TTC29: variants seen among roughly 807,000 people sequenced by gnomAD.
The protein encoded by TTC29 is tetratricopeptide repeat protein 29.
A neutral mutation model predicts 58.1 loss-of-function variants in TTC29; 49 were observed. That is an observed-to-expected ratio of 0.84 (90% CI 0.67 to 1.07). The LOEUF (loss-of-function observed/expected upper bound fraction) is 1.07. Ranked by LOEUF, TTC29 falls within the 50% of genes least tolerant of loss-of-function variation. TTC29 has a pLI of 0.00. For missense variants in TTC29, 582 were observed against 555.6 expected (o/e 1.05, Z -0.48); for synonymous variants, 209 against 196.8 (o/e 1.06, Z -0.52).
intron 3 of TTC29, 54 bp from the exon 4 acceptor site, chr4:146,937,731 A>G: frequency 1.9e-6 from 2 of 1,048,738 alleles, no homozygotes; most frequent in South Asian, 3.1e-5. Flanking sequence ...TTGAAAAGCT[A>G]CCAAACACAT....
chr4:146,840,758 T>G (rs1160040239), intron 8 of TTC29, among the ~76,000 whole-genome samples: 1 of 152,150 alleles, frequency 6.6e-6, no homozygotes, highest in African/African-American at 2.4e-5. Flanking sequence ...AGGAGAAGCT[T>G]CATATAAGAA....
chr4:146,873,118 G>A (rs1172951474), intron 7 of TTC29, among the ~76,000 whole-genome samples: 1 of 152,100 alleles, frequency 6.6e-6, no homozygotes, highest in Non-Finnish European at 1.5e-5. Flanking sequence ...CCCTAACAAA[G>A]GAATTGGCCA....
intron 11 of TTC29, among the ~76,000 whole-genome samples, chr4:146,756,944 T>A (rs1030597153): frequency 6.6e-6 from 1 of 152,130 alleles, no homozygotes; most frequent in Non-Finnish European, 1.5e-5. Context: ...TCTTGTATTA[T>A]TTTTTGGATT....
At chr4:146,858,525 G>T (rs535575890) in intron 8 of TTC29, among the ~76,000 whole-genome samples, 7 of 152,068 alleles carry the variant, frequency 4.6e-5, no homozygotes, top group African/African-American at 9.7e-5. Context: ...TTTAACATTT[G>T]TTCCTATGCT....
chr4:146,729,970 G>A (rs1744207921), intron 11 of TTC29, among the ~76,000 whole-genome samples: 1 of 151,706 alleles, frequency 6.6e-6, no homozygotes, highest in African/African-American at 2.4e-5. Flanking sequence ...AACCATATTA[G>A]GTGGGATTGA....
At chr4:146,741,426 G>A (rs1220178656) in intron 11 of TTC29, among the ~76,000 whole-genome samples, 1 of 151,670 alleles carries the variant, frequency 6.6e-6, no homozygotes, top group Non-Finnish European at 1.5e-5. Context: ...AGCCCATAAT[G>A]TCCAACAATG....
intron 11 of TTC29, among the ~76,000 whole-genome samples, chr4:146,747,393 C>T (rs1247665492): frequency 6.6e-6 from 1 of 152,152 alleles, no homozygotes; most frequent in Non-Finnish European, 1.5e-5. Context: ...TGGTAGCATG[C>T]CATCCTCAAT....
At chr4:146,710,481 T>G (rs940436421) in intron 11 of TTC29, among the ~76,000 whole-genome samples, 1 of 152,188 alleles carries the variant, frequency 6.6e-6, no homozygotes, top group African/African-American at 2.4e-5. Context: ...ACGCGGTGCA[T>G]GACTGGATAC....
At chr4:146,783,734 T>A (rs1204888016) in intron 11 of TTC29, among the ~76,000 whole-genome samples, 1 of 151,744 alleles carries the variant, frequency 6.6e-6, no homozygotes, top group Non-Finnish European at 1.5e-5. Flanking sequence ...TGTGAAGAGG[T>A]AGCCTCTTAT....
intron 4 of TTC29, among the ~76,000 whole-genome samples, chr4:146,913,086 TG>T (rs919590897): frequency 6.6e-6 from 1 of 151,956 alleles, no homozygotes; most frequent in African/African-American, 2.4e-5. Flanking sequence ...GAAGGCAGTT[TG>T]GGGGGTGACA....
intron 11 of TTC29, among the ~76,000 whole-genome samples, chr4:146,724,722 C>T (rs113824403): frequency 3.6e-4 from 55 of 152,238 alleles, no homozygotes; most frequent in African/African-American, 1.3e-3. Context: ...CCACGTTCGC[C>T]AGGCTGGTCT....
chr4:146,855,307 C>A (rs985101908), intron 8 of TTC29, among the ~76,000 whole-genome samples: 6 of 152,132 alleles, frequency 3.9e-5, no homozygotes, highest in Admixed American at 3.3e-4. Context: ...GTGGTGCACG[C>A]CTGTAATCCC....
chr4:146,786,378 A>C (rs1185520478), intron 11 of TTC29, among the ~76,000 whole-genome samples: 6 of 152,212 alleles, frequency 3.9e-5, no homozygotes, highest in African/African-American at 1.4e-4. Context: ...TCAACTTGTA[A>C]AATTTAATCC....
intron 6 of TTC29, among the ~76,000 whole-genome samples, chr4:146,884,006 G>T (rs556867723): frequency 6.6e-6 from 1 of 152,026 alleles, no homozygotes; most frequent in Admixed American, 6.6e-5. Flanking sequence ...TCCATTCAAA[G>T]ATCTTGGACT....
chr4:146,735,966 G>A (rs1282420797), intron 11 of TTC29, among the ~76,000 whole-genome samples: 1 of 152,120 alleles, frequency 6.6e-6, no homozygotes, highest in Non-Finnish European at 1.5e-5. Flanking sequence ...AATGGAAACT[G>A]GTGGGGTTAA....
chr4:146,922,701 G>A (rs994233423), intron 4 of TTC29, among the ~76,000 whole-genome samples: 2 of 151,680 alleles, frequency 1.3e-5, no homozygotes, highest in African/African-American at 4.8e-5. Context: ...GAGTGATGGA[G>A]CTGGTTCATC....
At chr4:146,853,408 A>G (rs931560871) in intron 8 of TTC29, among the ~76,000 whole-genome samples, 4 of 152,156 alleles carry the variant, frequency 2.6e-5, no homozygotes, top group African/African-American at 9.7e-5. Context: ...TATCAGTAAT[A>G]CTTTCATTGT....
chr4:146,783,142 A>C (rs1395511552), intron 11 of TTC29, among the ~76,000 whole-genome samples: 1 of 152,042 alleles, frequency 6.6e-6, no homozygotes, highest in East Asian at 1.9e-4. Flanking sequence ...ATGGTGTACA[A>C]CATGATGTTT....
At chr4:146,842,357 G>A (rs1728903200) in intron 8 of TTC29, among the ~76,000 whole-genome samples, 1 of 152,100 alleles carries the variant, frequency 6.6e-6, no homozygotes, top group African/African-American at 2.4e-5. Context: ...TTGTGCGACA[G>A]CAAAATAAGC....
Sources: allele counts gnomAD v4.1 joint callset (sites outside exome capture counted in the v4.1 genomes callset), GRCh38; gene constraint gnomAD v4.1.1; transcripts MANE v1.5; gene names NCBI Gene and HGNC (gene_info 2026-07-23, HGNC 2026-07-21).